The following ALG12 variants were observed in gnomAD, a reference collection of about 807,000 sequenced individuals.
ALG12 encodes ALG12 alpha-1,6-mannosyltransferase.
A neutral mutation model predicts 46.0 loss-of-function variants in ALG12; 36 were observed. The ratio of observed to expected loss-of-function variants is 0.78; its 90% CI spans 0.60 to 1.03. The LOEUF is 1.03. Among genes scored for constraint, ALG12 ranks in the 50% least tolerant of loss-of-function variants. The pLI is 0.00. For missense variants in ALG12, 599 were observed against 633.5 expected (o/e 0.95, Z 0.58); for synonymous variants, 326 against 291.6 (o/e 1.12, Z -1.20).
chr22:49,886,053 C>T, the ALG12 span: 1 of 680,242 alleles, frequency 1.5e-6, no homozygotes, highest in African/African-American at 1.8e-5. This position sits in a 1 kb window ranked among gnomAD's most constrained non-coding sequence, Gnocchi z 7.7. Context: ...CGTGGGTGAC[C>T]TCCACCGGCC....
the ALG12 span, among the ~76,000 whole-genome samples, chr22:49,859,950 TCAGGAG>T: frequency 1.5e-3 from 211 of 139,520 alleles, no homozygotes; most frequent in East Asian, 2.1e-3. Flanking sequence ...TCACTTGAGC[TCAGGAG>T]TTCCAGACCA....
chr22:49,911,526 C>G (rs955221544), intron 3 of ALG12, among the ~76,000 whole-genome samples: 1 of 152,122 alleles, frequency 6.6e-6, no homozygotes, highest in African/African-American at 2.4e-5. Flanking sequence ...CCTCTGCCTT[C>G]CGGGTTCAAG....
At chr22:49,883,880 A>G in the ALG12 span, 1 of 1,606,624 alleles carries the variant, frequency 6.2e-7, no homozygotes, top group Admixed American at 1.7e-5. Context: ...CCCCCGGGGA[A>G]GTACTTGTCT....
the ALG12 span, among the ~76,000 whole-genome samples, chr22:49,876,647 G>A: frequency 5.3e-5 from 8 of 151,768 alleles, no homozygotes; most frequent in Non-Finnish European, 7.4e-5. Context: ...CCCTTTTCCT[G>A]TTTGCCCTGA....
the ALG12 span, chr22:49,884,558 T>C: frequency 6.8e-6 from 11 of 1,613,386 alleles, no homozygotes; most frequent in Non-Finnish European, 9.3e-6. Flanking sequence ...CTGTCGCCAC[T>C]GGACAACTCC....
chr22:49,864,531 T>G, the ALG12 span, among the ~76,000 whole-genome samples: 113,307 of 152,076 alleles, frequency 0.75, 44,787 homozygotes, highest in East Asian at 0.91. Context: ...AATACCTGAT[T>G]GGAGCCTGGG....
At chr22:49,886,093 G>A in the ALG12 span, 10 of 680,444 alleles carry the variant, frequency 1.5e-5, no homozygotes, top group South Asian at 3.4e-5. The surrounding 1 kb of genome is among the most constrained non-coding windows in gnomAD (Gnocchi z 7.7). Flanking sequence ...CACCGACAAC[G>A]CCAGCATCGG....
rs1490287472 is a variant in ALG12, at chr22:49,907,911, G to A, written c.802C>T (p.Leu268=). The stretch of plus-strand genomic sequence containing the variant: ...AGGCTGCAGCCCAGGCCGCGGGGCA[G>A]GGCTGAGTAGAAGTACCACAGCAGC... ...SPLLWYFYSA[L]PRGLGCSLLF... is the part of the protein sequence containing the mutation. Residue 268 remains leucine, a synonymous_variant, in exon 7 of 10, where the codon CTG becomes TTG. Transcript: ENST00000330817. 6.2e-6 allele frequency: 10 copies of A among 1,613,418 alleles called. No individual in the cohort carries two copies. The highest frequency in any genetic ancestry group is 8.5e-6 in the Non-Finnish European group (10 of 1,179,974).
At chr22:49,882,389 C>T in the ALG12 span, among the ~76,000 whole-genome samples, 2 of 152,160 alleles carry the variant, frequency 1.3e-5, no homozygotes, top group South Asian at 4.1e-4. Context: ...TGCACTCCAG[C>T]CTAAGTGACA....
chr22:49,883,556 G>A, the ALG12 span: 1 of 1,394,624 alleles, frequency 7.2e-7, no homozygotes, highest in Non-Finnish European at 9.5e-7. Flanking sequence ...CCTGAAAGAT[G>A]GAATTATGAC....
downstream of ALG12, among the ~76,000 whole-genome samples, chr22:49,899,879 CGGT>C (rs781050671): frequency 6.6e-6 from 1 of 151,982 alleles, no homozygotes; most frequent in Non-Finnish European, 1.5e-5. Flanking sequence ...GTGAAAAAAA[CGGT>C]GGCTGGAAGC....
At chr22:49,886,241 T>G in the ALG12 span, 1 of 1,002,430 alleles carries the variant, frequency 1.0e-6, no homozygotes, top group South Asian at 1.4e-5. This position sits in a 1 kb window ranked among gnomAD's most constrained non-coding sequence, Gnocchi z 7.7. Flanking sequence ...TGCGAGCGGG[T>G]GCACCGGTCG....
rs1271657138 is a variant in ALG12, at chr22:49,909,908, C to T, written c.650G>A (p.Gly217Glu). The T allele has an allele frequency of 1.9e-6, 3 of 1,614,126 alleles. No homozygotes were observed. Residue 217 changes from glycine to glutamate, a missense_variant, in exon 5 of 10, where the codon GGG (glycine) becomes GAG (glutamate). By Grantham distance (98) the Gly-to-Glu change is moderately conservative (BLOSUM62 -2). Coordinates refer to ENST00000330817, the MANE Select transcript of ALG12 (RefSeq NM_024105.4). ...VRALRHAVPA[G>E]ILCLGLTVAV... ...GACTGACTTACCTAAACAGAGGATC[C>T]CTGCCGGGACGGCGTGGCGAAGGGC... is the stretch of plus-strand genomic sequence containing the variant.
At chr22:49,912,209 G>C (rs2060582409) in intron 3 of ALG12, among the ~76,000 whole-genome samples, 1 of 151,428 alleles carries the variant, frequency 6.6e-6, no homozygotes, top group African/African-American at 2.5e-5. Context: ...TTTGGCCTGT[G>C]GCAGGGGCTG....
chr22:49,884,783 C>T, the ALG12 span: 27 of 1,607,292 alleles, frequency 1.7e-5, no homozygotes, highest in Middle Eastern at 1.7e-4. Flanking sequence ...TCTGTGTCCT[C>T]GTCTCCAGTA....
At chr22:49,912,777 C>T (rs1410066794) in intron 3 of ALG12, among the ~76,000 whole-genome samples, 1 of 152,074 alleles carries the variant, frequency 6.6e-6, no homozygotes, top group Non-Finnish European at 1.5e-5. Context: ...TGAGGTGGGA[C>T]AATCACTTGA....
chr22:49,900,042 T>C (rs1434699476), downstream of ALG12, among the ~76,000 whole-genome samples: 1 of 152,078 alleles, frequency 6.6e-6, no homozygotes, highest in Non-Finnish European at 1.5e-5. Flanking sequence ...CACACACCTG[T>C]AGTCCCAGCT....
At chr22:49,870,291 G>A in the ALG12 span, among the ~76,000 whole-genome samples, 1 of 152,190 alleles carries the variant, frequency 6.6e-6, no homozygotes, top group African/African-American at 2.4e-5. Context: ...GAACATACAT[G>A]TGTACATGGG....
At chr22:49,918,001 GTC>G in intron 1 of ALG12, among the ~76,000 whole-genome samples, 2 of 151,330 alleles carry the variant, frequency 1.3e-5, no homozygotes, top group Admixed American at 6.6e-5. Flanking sequence ...CAGGTGAGAG[GTC>G]GGGCCCCCGG....
Sources: gnomAD v4.1 joint callset for allele counts (sites outside exome capture counted in the v4.1 genomes callset) on GRCh38, gnomAD v4.1.1 for gene constraint, Gnocchi (gnomAD v3.1) non-coding constraint, MANE v1.5 for transcripts, NCBI Gene and HGNC (gene_info 2026-07-23, HGNC 2026-07-21) for gene names.